Variants in KAZN observed in about 807,000 individuals in gnomAD.
KAZN encodes the protein kazrin.
In KAZN, 40 loss-of-function variants were observed where a neutral mutation model predicts 87.4. The observed-to-expected ratio is 0.46, with a 90% confidence interval of 0.36 to 0.60. The LOEUF (loss-of-function observed/expected upper bound fraction) is 0.60. Ranked by LOEUF, KAZN falls within the 20% of genes least tolerant of loss-of-function variation. The probability of loss-of-function intolerance (pLI) is 0.00; values close to 1 mark genes in which losing one functional copy is unlikely to be tolerated. For missense variants in KAZN, 898 were observed against 1,073.9 expected (o/e 0.84, Z 2.29); for synonymous variants, 466 against 458.3 (o/e 1.02, Z -0.22).
At chr1:14,587,973 T>C (rs1019370804) in intron 2 of KAZN, among the ~76,000 whole-genome samples, 2 of 152,246 alleles carry the variant, frequency 1.3e-5, no homozygotes, top group Admixed American at 1.3e-4. Flanking sequence ...AAGGAGGCCA[T>C]ACAGAAAAGT....
chr1:14,222,385 C>T (rs902196205), intron 2 of KAZN, among the ~76,000 whole-genome samples: 2 of 152,220 alleles, frequency 1.3e-5, no homozygotes, highest in African/African-American at 4.8e-5. Context: ...TTATAAGACA[C>T]TTAACCATTT....
Position 14,254,714 on chromosome 1 carries a change from A to T in KAZN, c.249+74122A>T, listed in dbSNP as rs575969878. Among the ~76,000 whole-genome samples the T allele has an allele frequency of 5.3e-3, 742 of 140,640 alleles. 4 individuals carry two copies. The highest frequency in any genetic ancestry group is 7.8e-3 in the Non-Finnish European group (508 of 65,452). The allele number at this position is 140,640 out of a possible 152,430, so 92.3% of individuals were successfully genotyped here. A position where few individuals can be genotyped will look rare whatever the true frequency, so the allele number is the denominator to read the frequency against. ...ATACCTGAGACTGGGTAATTTATTT[A>T]AAAAAAAAAAGGTTTAATTGGCTTA... is the stretch of plus-strand genomic sequence containing the variant. On this transcript the variant is annotated intron_variant, in intron 2 of 16. Transcript: ENST00000636203.
chr1:13,951,081 A>T (rs1479509054), intron 1 of KAZN, among the ~76,000 whole-genome samples: 3 of 152,072 alleles, frequency 2.0e-5, no homozygotes, highest in Non-Finnish European at 4.4e-5. Flanking sequence ...TGTATTAAGG[A>T]TTTGGAATTT....
At chr1:14,513,762 T>G (rs969428187) in intron 2 of KAZN, among the ~76,000 whole-genome samples, 1 of 152,162 alleles carries the variant, frequency 6.6e-6, no homozygotes, top group Non-Finnish European at 1.5e-5. Context: ...AATTACATAA[T>G]AAATTTGTTA....
At chr1:14,247,300 A>C (rs1008413565) in intron 2 of KAZN, among the ~76,000 whole-genome samples, 3 of 152,200 alleles carry the variant, frequency 2.0e-5, no homozygotes, top group African/African-American at 7.2e-5. Flanking sequence ...TAAGGTCAGA[A>C]AAACAAGCTA....
chr1:14,603,959 T>C (rs1677165512), intron 1 of KAZN, among the ~76,000 whole-genome samples: 1 of 152,150 alleles, frequency 6.6e-6, no homozygotes, highest in South Asian at 2.1e-4. Flanking sequence ...GTATTATAAA[T>C]CTATATATTC....
intron 1 of KAZN, among the ~76,000 whole-genome samples, chr1:14,723,417 G>T (rs1414002903): frequency 2.0e-5 from 3 of 152,190 alleles, no homozygotes; most frequent in African/African-American, 7.2e-5. Flanking sequence ...TCCCGGGGCA[G>T]CAATGAGTGG....
intron 1 of KAZN, among the ~76,000 whole-genome samples, chr1:13,960,848 G>T (rs1641724133): frequency 6.6e-6 from 1 of 152,158 alleles, no homozygotes; most frequent in Admixed American, 6.5e-5. Context: ...CCCTCTCCTG[G>T]GGCTTCAGGA....
Position 14,829,690 on chromosome 1 carries a change from G to A in KAZN, c.227-130994G>A, listed in dbSNP as rs147978773. Among the ~76,000 whole-genome samples, 628 of 152,338 alleles carry A rather than the reference G, an allele frequency of 4.1e-3. 6 individuals are homozygous for A. Among genetic ancestry groups the A allele is most frequent in the South Asian group, 0.032 (153 of 4,822 alleles). Reference sequence around the variant, plus strand: ...ACTGGAGGAGAGACGACTGTTACAGGCAGACAGAATGATGTGTGTGAAGGT... The same window carrying A: ...ACTGGAGGAGAGACGACTGTTACAGACAGACAGAATGATGTGTGTGAAGGT... On this transcript the variant is annotated intron_variant, in intron 1 of 14. Transcript: ENST00000376030.
At chr1:14,985,955 A>G (rs1325880564) in intron 2 of KAZN, among the ~76,000 whole-genome samples, 1 of 144,980 alleles carries the variant, frequency 6.9e-6, no homozygotes, top group Admixed American at 7.3e-5. Context: ...GTGAGCCAAG[A>G]TCACGCCACT....
intron 2 of KAZN, among the ~76,000 whole-genome samples, chr1:14,450,772 G>T (rs753587805): frequency 6.6e-6 from 1 of 152,160 alleles, no homozygotes; most frequent in Non-Finnish European, 1.5e-5. Context: ...GCAAAGGAAA[G>T]ACTGAGAAGA....
intron 1 of KAZN, among the ~76,000 whole-genome samples, chr1:14,113,223 C>T (rs547421473): frequency 6.6e-6 from 1 of 152,284 alleles, no homozygotes; most frequent in Non-Finnish European, 1.5e-5. Context: ...TTTCTTGATT[C>T]TTTCTCTGGC....
At chr1:14,983,238 C>A (rs959631533) in intron 2 of KAZN, among the ~76,000 whole-genome samples, 13 of 152,152 alleles carry the variant, frequency 8.5e-5, no homozygotes, top group African/African-American at 3.1e-4. Flanking sequence ...TAAGGCTGTA[C>A]ACCCCCTACC....
chr1:14,061,101 A>G (rs571945989), intron 1 of KAZN, among the ~76,000 whole-genome samples: 8 of 152,308 alleles, frequency 5.3e-5, no homozygotes, highest in African/African-American at 1.9e-4. Context: ...AGGGTGGGAG[A>G]GGAGATTAAC....
chr1:15,002,418 C>T (rs1284739039), intron 2 of KAZN, among the ~76,000 whole-genome samples: 1 of 152,192 alleles, frequency 6.6e-6, no homozygotes, highest in Non-Finnish European at 1.5e-5. Flanking sequence ...GGGCACATAG[C>T]TGCGTTGCAC....
At chr1:14,093,142 C>T (rs1446473495) in intron 1 of KAZN, among the ~76,000 whole-genome samples, 2 of 152,224 alleles carry the variant, frequency 1.3e-5, no homozygotes, top group African/African-American at 4.8e-5. Flanking sequence ...CATCCTCTCC[C>T]TCGCCACATG....
At chr1:14,595,545 G>A (rs1676446522), upstream of KAZN, among the ~76,000 whole-genome samples, 1 of 151,780 alleles carries the variant, frequency 6.6e-6, no homozygotes, top group African/African-American at 2.4e-5. Flanking sequence ...AGAGGGGTGT[G>A]GAGGCCTGCA....
chr1:14,420,712 G>T (rs377122107), intron 2 of KAZN, among the ~76,000 whole-genome samples: 1 of 152,158 alleles, frequency 6.6e-6, no homozygotes, highest in Non-Finnish European at 1.5e-5. Context: ...CTCTGCTGGG[G>T]GACCTGGCGC....
intron 1 of KAZN, among the ~76,000 whole-genome samples, chr1:14,707,258 C>T (rs370697989): frequency 2.6e-5 from 4 of 152,170 alleles, no homozygotes; most frequent in Middle Eastern, 3.2e-3. Context: ...GCTGGCTTCT[C>T]TGAACCAGGT....
Sources: gnomAD v4.1 joint callset for allele counts (sites outside exome capture counted in the v4.1 genomes callset) on GRCh38, gnomAD v4.1.1 for gene constraint, MANE v1.5 for transcripts, NCBI Gene and HGNC (gene_info 2026-07-23, HGNC 2026-07-21) for gene names.